FARP1: variants seen among roughly 807,000 people sequenced by gnomAD.
FARP1 encodes FERM, ARHGEF and pleckstrin domain-containing protein 1.
In FARP1, 52 loss-of-function variants were observed where a neutral mutation model predicts 128.8. The observed-to-expected ratio is 0.40, with a 90% CI of 0.32 to 0.51. The LOEUF is 0.51. Ranked by LOEUF, FARP1 falls within the 20% of genes least tolerant of loss-of-function variation. FARP1 has a pLI of 0.45. For synonymous variants in FARP1, 580 were observed against 551.8 expected (o/e 1.05, Z -0.72); for missense variants, 1,333 against 1,367.9 (o/e 0.97, Z 0.40).
rs373132849 is a variant in FARP1 at position 98,393,873 on chromosome 13, A to G, written c.1164+155A>G. Among the ~76,000 whole-genome samples, 12 of 152,334 alleles carry G rather than the reference A, an allele frequency of 7.9e-5. No individual in the cohort carries two copies. The East Asian group carries it at 1.7e-3, about 22-fold the overall frequency. On this transcript the variant is annotated intron_variant, in intron 12 of 26. Transcript: ENST00000319562. ...TTATGGGCCTTGGCTTTGACCAGATATAGGCTTTGTGCCATGTGCCGGCAG... is the reference window on the plus strand; with the variant it reads ...TTATGGGCCTTGGCTTTGACCAGATGTAGGCTTTGTGCCATGTGCCGGCAG...
chr13:98,318,950 G>GTTTTTTTTTTTTTTTTTTT (rs56166470), intron 2 of FARP1, among the ~76,000 whole-genome samples: 47 of 120,684 alleles, frequency 3.9e-4, no homozygotes, highest in East Asian at 1.3e-3. Flanking sequence ...GTTTTTTCTT[G>GTTTTTTTTTTTTTTTTTTT]TTTTTTTTTT....
intron 1 of FARP1, among the ~76,000 whole-genome samples, chr13:98,170,196 GT>G (rs974717639): frequency 6.6e-6 from 1 of 151,650 alleles, no homozygotes; most frequent in Non-Finnish European, 1.5e-5. Flanking sequence ...CATTTTTTTT[GT>G]TTTTGATACA....
At chr13:98,183,932 C>T (rs1878694711) in intron 1 of FARP1, among the ~76,000 whole-genome samples, 1 of 152,178 alleles carries the variant, frequency 6.6e-6, no homozygotes, top group African/African-American at 2.4e-5. Context: ...GTGGGCATGG[C>T]GGTTGTTCCC....
At position 98,272,337 on chromosome 13, in the gene FARP1, A is replaced by G. The variant is rs370735788; in HGVS notation, c.171+58924A>G. Among the ~76,000 whole-genome samples, 49 of 152,286 alleles carry G rather than the reference A, an allele frequency of 3.2e-4. No homozygotes were observed. In the South Asian group the frequency reaches 8.9e-3, roughly 28 times the overall value. Reference sequence around the variant, plus strand: ...GAGCCACCTCTCCTGGCCAAAATACATATTTTTTAAGTACCTCAAAATAGC... The same window carrying G: ...GAGCCACCTCTCCTGGCCAAAATACGTATTTTTTAAGTACCTCAAAATAGC... On this transcript the variant is annotated intron_variant, in intron 2 of 26. Transcript: ENST00000319562.
rs760628427 is a variant in FARP1, at chr13:98,176,371, C to T, written c.-24+32879C>T. 2 of 1,614,196 alleles carry T rather than the reference C, an allele frequency of 1.2e-6. No homozygotes were observed. The highest frequency in any genetic ancestry group is 2.2e-5 in the East Asian group (1 of 44,878). On this transcript the variant is annotated intron_variant, in intron 1 of 26. Coordinates refer to ENST00000319562, the MANE Select transcript of FARP1 (RefSeq NM_005766.4). The surrounding 1 kb of genome is among the most constrained non-coding windows in gnomAD (Gnocchi z 6.2). ...GGTTGGCTGGTCACAGATGTAGCAG[C>T]GCGGGGTGGCCCGGAAGTGCTCCAG...
At chr13:98,229,443 A>G (rs1053132814) in intron 2 of FARP1, among the ~76,000 whole-genome samples, 5 of 152,102 alleles carry the variant, frequency 3.3e-5, no homozygotes, top group African/African-American at 1.2e-4. Context: ...AATGTAAAAT[A>G]TTATTAACTT....
intron 3 of FARP1, chr13:98,345,430 T>C (rs1178237772): frequency 6.6e-6 from 1 of 152,250 alleles, no homozygotes; most frequent in African/African-American, 2.4e-5. Flanking sequence ...TCTCTTCTGT[T>C]AACCATAGGT....
Position 98,330,806 on chromosome 13 carries a change from C to T in FARP1, c.172-12956C>T, listed in dbSNP as rs1333948839. On this transcript the variant is annotated intron_variant, in intron 2 of 26. Transcript: ENST00000319562. ...GAAGGTAAAGAATGTCATTAAGCTG[C>T]GTGGTATCCCAGTTCCTGAGTGTCA... is the stretch of plus-strand genomic sequence containing the variant. 3.9e-5 allele frequency among the ~76,000 whole-genome samples: 6 copies of T among 151,988 alleles called. No individual in the cohort carries two copies. The South Asian group carries it at 1.0e-3, about 26-fold the overall frequency.
chr13:98,343,965 C>A, intron 3 of FARP1, 99 bp downstream of exon 3: 1 of 806,046 alleles, frequency 1.2e-6, no homozygotes, highest in Admixed American at 1.8e-5. Context: ...GAGATATTTT[C>A]ATGCTGTCTG....
chr13:98,290,129 G>A (rs1352876405), intron 2 of FARP1, among the ~76,000 whole-genome samples: 3 of 151,212 alleles, frequency 2.0e-5, no homozygotes, highest in Non-Finnish European at 4.4e-5. Flanking sequence ...TCATCCCCAA[G>A]CCTTACTTCT....
intron 3 of FARP1, among the ~76,000 whole-genome samples, chr13:98,361,981 G>A (rs185262808): frequency 3.3e-5 from 5 of 152,212 alleles, no homozygotes; most frequent in East Asian, 1.9e-4. Flanking sequence ...ACAAGTAAAC[G>A]GGTTGGGCAA....
At chr13:98,286,538 G>A (rs959899878) in intron 2 of FARP1, among the ~76,000 whole-genome samples, 5 of 152,076 alleles carry the variant, frequency 3.3e-5, no homozygotes, top group African/African-American at 4.8e-5. Flanking sequence ...CTTGTCTGCC[G>A]CCATGTGAGA....
intron 2 of FARP1, among the ~76,000 whole-genome samples, chr13:98,299,023 C>G (rs1452458045): frequency 6.6e-6 from 1 of 152,154 alleles, no homozygotes; most frequent in African/African-American, 2.4e-5. Flanking sequence ...AGGGATGGAA[C>G]AGGAAAGCGG....
At chr13:98,370,799 G>A (rs1889293512) in intron 5 of FARP1, among the ~76,000 whole-genome samples, 1 of 152,138 alleles carries the variant, frequency 6.6e-6, no homozygotes, top group South Asian at 2.1e-4. Flanking sequence ...TTTTCTGAAC[G>A]TTTGTGCTGC....
At position 98,215,973 on chromosome 13, in the gene FARP1, T is replaced by G. The variant is rs370830044; in HGVS notation, c.171+2560T>G. ...ACCCAGCCAATTTTTGTGTTTTTAG[T>G]AGAGACGGGCTTTTACCATGTTGAC... On this transcript the variant is annotated intron_variant, in intron 2 of 26. Transcript: ENST00000319562. Among the ~76,000 whole-genome samples the G allele has an allele frequency of 3.3e-4, 51 of 152,290 alleles. 1 individual carries two copies. In the East Asian group the frequency reaches 9.1e-3, roughly 27 times the overall value.
At chr13:98,425,885 T>C (rs1361680052) in intron 17 of FARP1, among the ~76,000 whole-genome samples, 2 of 152,244 alleles carry the variant, frequency 1.3e-5, no homozygotes, top group Non-Finnish European at 2.9e-5. Context: ...TAAAATGTTT[T>C]AATTCACACA....
intron 2 of FARP1, among the ~76,000 whole-genome samples, chr13:98,228,533 G>T (rs191340600): frequency 6.6e-6 from 1 of 151,936 alleles, no homozygotes; most frequent in East Asian, 1.9e-4. Context: ...ACCATTCATC[G>T]CATCATTTGG....
chr13:98,245,044 G>T, intron 2 of FARP1: 1 of 1,052,082 alleles, frequency 9.5e-7, no homozygotes, highest in Non-Finnish European at 1.1e-6. Flanking sequence ...GAGGGATTTG[G>T]TTTATTGCTA....
At chr13:98,256,399 T>G (rs1883587209) in intron 2 of FARP1, among the ~76,000 whole-genome samples, 1 of 151,682 alleles carries the variant, frequency 6.6e-6, no homozygotes, top group Non-Finnish European at 1.5e-5. Flanking sequence ...GAGGGGAAAA[T>G]GGGAGTCGTT....
Sources: gnomAD v4.1 joint callset for allele counts (sites outside exome capture counted in the v4.1 genomes callset) on GRCh38, gnomAD v4.1.1 for gene constraint, Gnocchi (gnomAD v3.1) non-coding constraint, MANE v1.5 for transcripts, NCBI Gene and HGNC (gene_info 2026-07-23, HGNC 2026-07-21) for gene names.